The following CHRM3 variants were observed in gnomAD, a reference collection of about 807,000 sequenced individuals.
The protein encoded by CHRM3 is muscarinic acetylcholine receptor M3.
CHRM3 carries 11 observed loss-of-function variants against 41.8 expected under a neutral mutation model. That is an observed-to-expected ratio of 0.26 (90% CI 0.17 to 0.44). The LOEUF (loss-of-function observed/expected upper bound fraction) is 0.44, where lower values mean the gene tolerates loss of function less well. CHRM3 is among the 20% of genes least tolerant of loss of function. The probability of loss-of-function intolerance (pLI) is 1.00; values close to 1 mark genes in which losing one functional copy is unlikely to be tolerated. For synonymous variants in CHRM3, 297 were observed against 301.4 expected (o/e 0.99, Z 0.15); for missense variants, 571 against 745.4 (o/e 0.77, Z 2.72).
At chr1:239,504,491 T>C (rs1179164145) in intron 2 of CHRM3, among the ~76,000 whole-genome samples, 1 of 152,222 alleles carries the variant, frequency 6.6e-6, no homozygotes, top group Admixed American at 6.5e-5. Context: ...ACAACCACTA[T>C]GGAAAATAGT....
intron 5 of CHRM3, among the ~76,000 whole-genome samples, chr1:239,753,009 G>A (rs1053040540): frequency 1.3e-5 from 2 of 152,152 alleles, no homozygotes; most frequent in African/African-American, 4.8e-5. Context: ...CTCTGGGGAA[G>A]CACAATATTT....
At chr1:239,393,735 T>C (rs1276742944) in intron 1 of CHRM3, among the ~76,000 whole-genome samples, 1 of 152,188 alleles carries the variant, frequency 6.6e-6, no homozygotes, top group East Asian at 1.9e-4. Flanking sequence ...TACAAATCAC[T>C]TCCCTCTACT....
intron 5 of CHRM3, among the ~76,000 whole-genome samples, chr1:239,789,990 TTGCATGGGGCC>T (rs1366985681): frequency 6.6e-6 from 1 of 152,194 alleles, no homozygotes; most frequent in East Asian, 1.9e-4. Context: ...GATTTCAGAC[TTGCATGGGGCC>T]TGTAGCCCCC....
intron 1 of CHRM3, among the ~76,000 whole-genome samples, chr1:239,428,137 A>G (rs761627679): frequency 1.3e-5 from 2 of 152,152 alleles, no homozygotes; most frequent in Non-Finnish European, 2.9e-5. Flanking sequence ...CTCGAAAGAG[A>G]AGAGACAGGT....
At chr1:239,664,586 C>T (rs950909854) in intron 4 of CHRM3, among the ~76,000 whole-genome samples, 1 of 152,104 alleles carries the variant, frequency 6.6e-6, no homozygotes, top group Non-Finnish European at 1.5e-5. Flanking sequence ...CCCTTCCTTC[C>T]TCTTAGTCTC....
At chr1:239,688,038 C>A (rs536430121) in intron 5 of CHRM3, among the ~76,000 whole-genome samples, 3 of 152,002 alleles carry the variant, frequency 2.0e-5, no homozygotes, top group Admixed American at 2.0e-4. Context: ...TGATGCTTCA[C>A]ATTAATACAC....
At chr1:239,615,333 G>C (rs994779494) in intron 3 of CHRM3, among the ~76,000 whole-genome samples, 1 of 152,090 alleles carries the variant, frequency 6.6e-6, no homozygotes, top group Non-Finnish European at 1.5e-5. Context: ...AGAAGACACA[G>C]GTACTTCCAT....
At chr1:239,409,876 G>A (rs1389185728) in intron 1 of CHRM3, among the ~76,000 whole-genome samples, 1 of 152,192 alleles carries the variant, frequency 6.6e-6, no homozygotes, top group East Asian at 1.9e-4. Context: ...GGGAGGCGGA[G>A]GTTGCAGTGA....
intron 2 of CHRM3, among the ~76,000 whole-genome samples, chr1:239,514,654 GAAA>G (rs1053004827): frequency 5.3e-5 from 8 of 152,146 alleles, no homozygotes; most frequent in African/African-American, 1.7e-4. Context: ...GTACCATGTT[GAAA>G]AAGAGTAGTA....
At chr1:239,450,568 T>C (rs1664489042) in intron 1 of CHRM3, among the ~76,000 whole-genome samples, 1 of 152,204 alleles carries the variant, frequency 6.6e-6, no homozygotes, top group Admixed American at 6.5e-5. Context: ...GCTTAAAATA[T>C]TATAAGCAAA....
At position 239,634,376 on chromosome 1, in the gene CHRM3, C is replaced by CAGAAAGAAAGAAAGAAAGAAAGAAA. The variant is rs1553347938; in HGVS notation, c.-250+2090_-250+2091insAGAAAGAAAGAAAGAAAGAAAGAAA. 5.9e-4 allele frequency among the ~76,000 whole-genome samples: 80 copies of CAGAAAGAAAGAAAGAAAGAAAGAAA among 135,556 alleles called. 1 individual carries two copies. Among genetic ancestry groups the CAGAAAGAAAGAAAGAAAGAAAGAAA allele is most frequent in the African/African-American group, 2.2e-3 (79 of 35,304 alleles). 88.9% of individuals were successfully genotyped at this position (135,556 alleles called of 152,430 possible). ...GATAGAGAGCAAAAGCAAGAACAAA[C>CAGAAAGAAAGAAAGAAAGAAAGAAA]GAAAGAAAGAAAGAAAGAAAGAAAG... On this transcript the variant is annotated intron_variant, in intron 4 of 6. Coordinates refer to ENST00000676153, the MANE Select transcript of CHRM3 (RefSeq NM_001375978.1).
In CHRM3 at chr1:239,828,474, T is replaced by C. The variant is rs140752635; in HGVS notation, c.-20+1096T>C. Among the ~76,000 whole-genome samples the C allele has an allele frequency of 9.9e-4, 151 of 152,182 alleles. 1 individual carries two copies. Among genetic ancestry groups the C allele is most frequent in the African/African-American group, 3.6e-3 (148 of 41,542 alleles). On this transcript the variant is annotated intron_variant, in intron 6 of 6. Coordinates refer to ENST00000676153, the MANE Select transcript of CHRM3 (RefSeq NM_001375978.1). ...AAAAATTATTACAAAGGGTAGAGCATGAATAAGATGGCTTCTATAGCGTAT... is the reference window on the plus strand; with the variant it reads ...AAAAATTATTACAAAGGGTAGAGCACGAATAAGATGGCTTCTATAGCGTAT...
intron 5 of CHRM3, among the ~76,000 whole-genome samples, chr1:239,757,412 C>T (rs866456795): frequency 1.3e-5 from 2 of 151,958 alleles, no homozygotes; most frequent in South Asian, 4.2e-4. Flanking sequence ...GGGCACATCA[C>T]GAGGTCAGGA....
rs527875675 is a variant in CHRM3, at chr1:239,508,723, C to T, written c.-422+15916C>T. On this transcript the variant is annotated intron_variant, in intron 2 of 6. Transcript: ENST00000676153. ...GTGTTCAACATATAATTATTGATTA[C>T]GTGAGTCATGAATCAAATATCAAAT... Among the ~76,000 whole-genome samples the T allele has an allele frequency of 9.2e-5, 14 of 152,208 alleles. No individual in the cohort carries two copies. In the South Asian group the frequency reaches 1.5e-3, roughly 16 times the overall value.
chr1:239,579,769 C>T (rs145219177), intron 3 of CHRM3, among the ~76,000 whole-genome samples: 272 of 152,274 alleles, frequency 1.8e-3, no homozygotes, highest in African/African-American at 6.1e-3. Flanking sequence ...CACTGTATGG[C>T]AGGCATTGCT....
rs144093342 is a variant in CHRM3, at chr1:239,786,720, G to A, written c.-146-40532G>A. On this transcript the variant is annotated intron_variant, in intron 5 of 6. Coordinates refer to ENST00000676153, the MANE Select transcript of CHRM3 (RefSeq NM_001375978.1). ...CGAGGGCAGGCGGGCCTTCCACAGC[G>A]AGGCATGCTGCTGAAGGTGTCATAT... Among the ~76,000 whole-genome samples, 405 of 99,760 alleles carry A rather than the reference G, an allele frequency of 4.1e-3. 1 individual carries two copies. Among genetic ancestry groups the A allele is most frequent in the African/African-American group, 0.024 (373 of 15,648 alleles). 65.4% of individuals were successfully genotyped at this position (99,760 alleles called of 152,430 possible).
intron 1 of CHRM3, among the ~76,000 whole-genome samples, chr1:239,487,312 A>G (rs1423021160): frequency 6.6e-6 from 1 of 152,222 alleles, no homozygotes; most frequent in Admixed American, 6.5e-5. Flanking sequence ...TTCAGATAAT[A>G]TAGTCTTCAG....
At chr1:239,832,399 G>A (rs760824252) in intron 6 of CHRM3, among the ~76,000 whole-genome samples, 2 of 152,034 alleles carry the variant, frequency 1.3e-5, no homozygotes, top group Non-Finnish European at 2.9e-5. Flanking sequence ...AAAATCCCTA[G>A]TATTCGTCTT....
At chr1:239,810,725 G>C (rs946647846) in intron 5 of CHRM3, among the ~76,000 whole-genome samples, 30 of 152,218 alleles carry the variant, frequency 2.0e-4, no homozygotes, top group African/African-American at 7.2e-4. Flanking sequence ...TCACTTGTTA[G>C]TGAGAGCTAA....
Sources: gnomAD v4.1 joint callset for allele counts (sites outside exome capture counted in the v4.1 genomes callset) on GRCh38, gnomAD v4.1.1 for gene constraint, MANE v1.5 for transcripts, NCBI Gene and HGNC (gene_info 2026-07-23, HGNC 2026-07-21) for gene names.